Variants in KCNMA1 observed in about 807,000 individuals in gnomAD.
The protein encoded by KCNMA1 is Calcium-activated potassium channel subunit alpha-1.
A neutral mutation model predicts 140.0 loss-of-function variants in KCNMA1; 29 were observed. The observed-to-expected ratio is 0.21, with a 90% CI of 0.15 to 0.28. The LOEUF (loss-of-function observed/expected upper bound fraction) is 0.28, where lower values mean the gene tolerates loss of function less well. Among genes scored for constraint, KCNMA1 ranks in the 10% least tolerant of loss-of-function variants. KCNMA1 has a pLI of 1.00. For missense variants in KCNMA1, 880 were observed against 1,602.2 expected, an observed-to-expected ratio of 0.55 and a Z score of 7.70; for synonymous variants, 612 against 611.9, an observed-to-expected ratio of 1.00 and a Z score of 0.00.
chr10:77,438,852 G>A lies in KCNMA1; in HGVS notation c.379-34829C>T, dbSNP rs188315805. Among the ~76,000 whole-genome samples, 420 of 151,940 alleles carry A rather than the reference G, an allele frequency of 2.8e-3. 2 individuals are homozygous for A. The highest frequency in any genetic ancestry group is 5.5e-3 in the Admixed American group (84 of 15,272). The stretch of plus-strand genomic sequence containing the variant: ...AGCACTTTGGGAGGCCAAGACGGGT[G>A]GATCACCTGAGGTCAGGAGTTCAAG... On this transcript the variant is annotated intron_variant, in intron 1 of 27. Coordinates refer to ENST00000286628, the MANE Select transcript of KCNMA1 (RefSeq NM_001161352.2).
At chr10:77,515,218 G>A (rs2049973562) in intron 1 of KCNMA1, among the ~76,000 whole-genome samples, 1 of 152,112 alleles carries the variant, frequency 6.6e-6, no homozygotes, top group African/African-American at 2.4e-5. Context: ...GGGATGGGGG[G>A]GAAAGGAGAG....
At chr10:77,207,289 T>G (rs1421004159) in intron 3 of KCNMA1, among the ~76,000 whole-genome samples, 1 of 152,230 alleles carries the variant, frequency 6.6e-6, no homozygotes, top group Non-Finnish European at 1.5e-5. Context: ...TTCTGCATTC[T>G]ATAGATATTG....
rs563580287 is a variant in KCNMA1 at position 77,283,754 on chromosome 10, G to A, written c.541-32498C>T. On this transcript the variant is annotated intron_variant, in intron 2 of 27. Coordinates refer to ENST00000286628, the MANE Select transcript of KCNMA1 (RefSeq NM_001161352.2). ...CTGAGACAAAAAACAGATAGTAGCTGCTTTCAGGGAACTTAACAATGTCAG... is the reference window on the plus strand; with the variant it reads ...CTGAGACAAAAAACAGATAGTAGCTACTTTCAGGGAACTTAACAATGTCAG... 1.6e-4 allele frequency among the ~76,000 whole-genome samples: 24 copies of A among 152,322 alleles called. 1 individual carries two copies. Among genetic ancestry groups the A allele is most frequent in the African/African-American group, 5.8e-4 (24 of 41,572 alleles).
At chr10:76,969,927 G>A in intron 20 of KCNMA1, 47 bp downstream of exon 20, 2 of 1,460,098 alleles carry the variant, frequency 1.4e-6, no homozygotes, top group East Asian at 2.3e-5. Context: ...AGGGGAGGAA[G>A]AGAAGGGCTA....
At chr10:76,975,657 T>C (rs752327816) in intron 19 of KCNMA1, among the ~76,000 whole-genome samples, 12 of 152,116 alleles carry the variant, frequency 7.9e-5, no homozygotes, top group African/African-American at 1.2e-4. Flanking sequence ...TAGTGGGCAG[T>C]ATCAGGGTGC....
chr10:76,887,407 G>T lies in KCNMA1; in HGVS notation c.3570C>A (p.Ser1190=). The T allele has an allele frequency of 6.2e-7, 1 of 1,614,164 alleles. No homozygotes were observed. Among genetic ancestry groups the T allele is most frequent in the Non-Finnish European group, 8.5e-7 (1 of 1,180,036 alleles). ...HNAGQSRASL[S]HSSHSSQSSS... is the part of the protein sequence containing the mutation. ...AGGACTGCGACGAGTGGGAGGAATG[G>T]GACAGGCTGGCCCGGGACTGGCCGG... Residue 1190 remains serine (S), a synonymous_variant, in exon 28 of 28, where the codon TCC becomes TCA. Transcript: ENST00000286628.
At chr10:76,956,537 C>T (rs2068384980) in intron 20 of KCNMA1, among the ~76,000 whole-genome samples, 1 of 152,162 alleles carries the variant, frequency 6.6e-6, no homozygotes, top group Non-Finnish European at 1.5e-5. Context: ...ACCTGGAATT[C>T]TAACTTTGGT....
chr10:77,322,394 C>T (rs995350408), intron 2 of KCNMA1, among the ~76,000 whole-genome samples: 1 of 152,324 alleles, frequency 6.6e-6, no homozygotes, highest in Non-Finnish European at 1.5e-5. Flanking sequence ...CATGCTCCAA[C>T]TTCATCATCA....
chr10:77,503,463 T>A (rs1393237091), intron 1 of KCNMA1, among the ~76,000 whole-genome samples: 2 of 152,150 alleles, frequency 1.3e-5, no homozygotes, highest in Admixed American at 1.3e-4. Context: ...TCCACCCAGC[T>A]AGGGCATTCT....
At chr10:76,947,581 T>C (rs572839139) in intron 22 of KCNMA1, among the ~76,000 whole-genome samples, 1 of 152,300 alleles carries the variant, frequency 6.6e-6, no homozygotes, top group African/African-American at 2.4e-5. Flanking sequence ...AATCATATAA[T>C]CAAATCGACC....
chr10:77,113,470 T>C (rs2097373702), intron 6 of KCNMA1, among the ~76,000 whole-genome samples: 1 of 152,148 alleles, frequency 6.6e-6, no homozygotes, highest in African/African-American at 2.4e-5. Flanking sequence ...TTTATTTTAT[T>C]TTTTATTTTT....
At chr10:77,509,703 T>G (rs960487057) in intron 1 of KCNMA1, among the ~76,000 whole-genome samples, 1 of 152,218 alleles carries the variant, frequency 6.6e-6, no homozygotes, top group African/African-American at 2.4e-5. Context: ...GATATGCATT[T>G]TTATGCTTTT....
intron 1 of KCNMA1, among the ~76,000 whole-genome samples, chr10:77,468,209 T>C (rs954702598): frequency 2.6e-5 from 4 of 152,126 alleles, no homozygotes; most frequent in Admixed American, 1.3e-4. Flanking sequence ...GGTTTCACCA[T>C]GTGGGCCGGG....
intron 2 of KCNMA1, among the ~76,000 whole-genome samples, chr10:77,380,024 T>C (rs1049861115): frequency 7.2e-5 from 11 of 152,202 alleles, no homozygotes; most frequent in African/African-American, 2.2e-4. Flanking sequence ...GTATTGTAGG[T>C]GGCATTTAGT....
chr10:77,133,454 G>A (rs2097907789), intron 5 of KCNMA1, among the ~76,000 whole-genome samples: 1 of 151,610 alleles, frequency 6.6e-6, no homozygotes, highest in Non-Finnish European at 1.5e-5. Context: ...TTATGTGCCT[G>A]GCAAATGCTG....
At chr10:77,631,105 CCAA>C (rs2093145606) in intron 1 of KCNMA1, among the ~76,000 whole-genome samples, 3 of 90,118 alleles carry the variant, frequency 3.3e-5, no homozygotes, top group Admixed American at 1.3e-4. Context: ...AGACCCTGTC[CCAA>C]AAAAAAAAAA....
intron 9 of KCNMA1, among the ~76,000 whole-genome samples, chr10:77,099,657 T>A (rs1271121259): frequency 1.3e-5 from 2 of 148,708 alleles, no homozygotes; most frequent in Non-Finnish European, 1.5e-5. Context: ...GAGGTTGTGG[T>A]GAGCCAAGAT....
chr10:77,637,178 G>A lies in KCNMA1; in HGVS notation c.378+87C>T. The stretch of plus-strand genomic sequence containing the variant: ...AGGCGGGGATGGAGGGAGGCACGGC[G>A]CGGCGCGGAGCGAGGAGGTGGGCTG... On this transcript the variant is annotated intron_variant, in intron 1 of 27. Transcript: ENST00000286628. The A allele has an allele frequency of 3.0e-6, 4 of 1,322,346 alleles. No individual in the cohort carries two copies. In the South Asian group the frequency reaches 5.6e-5, roughly 19 times the overall value. The allele number at this position is 1,322,346 out of a possible 1,614,324, so 81.9% of individuals were successfully genotyped here. A position where few individuals can be genotyped will look rare whatever the true frequency, so the allele number is the denominator to read the frequency against.
chr10:77,209,757 G>T (rs1443029678), intron 3 of KCNMA1, among the ~76,000 whole-genome samples: 2 of 151,974 alleles, frequency 1.3e-5, no homozygotes, highest in Non-Finnish European at 2.9e-5. Context: ...AAAGATTCTC[G>T]AAGACTATTA....
Sources: allele counts gnomAD v4.1 joint callset (sites outside exome capture counted in the v4.1 genomes callset), GRCh38; gene constraint gnomAD v4.1.1; transcripts MANE v1.5; gene names NCBI Gene and HGNC (gene_info 2026-07-23, HGNC 2026-07-21).